GPC6: variants seen among roughly 807,000 people sequenced by gnomAD.
GPC6 encodes glypican 6.
GPC6 carries 14 observed loss-of-function variants against 55.2 expected under a neutral mutation model. The ratio of observed to expected loss-of-function variants is 0.25; its 90% CI spans 0.17 to 0.40. The LOEUF (loss-of-function observed/expected upper bound fraction) is 0.40. Ranked by LOEUF, GPC6 falls within the 10% of genes least tolerant of loss-of-function variation. The pLI, the probability that GPC6 is intolerant of heterozygous loss-of-function variation, is 1.00. For missense variants in GPC6, 641 were observed against 708.5 expected (o/e 0.90, Z 1.08); for synonymous variants, 278 against 259.6 (o/e 1.07, Z -0.68).
chr13:93,535,897 A>G (rs12856048), intron 1 of GPC6, among the ~76,000 whole-genome samples: 20,526 of 152,166 alleles, frequency 0.13, 1,877 homozygotes, highest in Non-Finnish European at 0.2. Flanking sequence ...ACATTCAGAC[A>G]TTTACTGGCT....
At chr13:93,390,516 G>A (rs561563135) in intron 1 of GPC6, among the ~76,000 whole-genome samples, 1 of 152,148 alleles carries the variant, frequency 6.6e-6, no homozygotes, top group Non-Finnish European at 1.5e-5. Context: ...AATGGATCAC[G>A]TTTGCTGCCT....
chr13:94,082,476 G>A (rs1885134655), intron 4 of GPC6, among the ~76,000 whole-genome samples: 2 of 152,238 alleles, frequency 1.3e-5, no homozygotes, highest in East Asian at 1.9e-4. Flanking sequence ...CCTTTAGAAA[G>A]GAGAAGGTCT....
chr13:94,334,367 G>C (rs1395376910), intron 6 of GPC6, among the ~76,000 whole-genome samples: 1 of 152,228 alleles, frequency 6.6e-6, no homozygotes, highest in Non-Finnish European at 1.5e-5. Flanking sequence ...ACCACCTGGG[G>C]AACAGCAGAA....
intron 2 of GPC6, among the ~76,000 whole-genome samples, chr13:93,726,100 TCATACACA>T (rs1306333003): frequency 4.3e-5 from 4 of 93,630 alleles, no homozygotes; most frequent in African/African-American, 1.6e-4. Context: ...ACTTTTTCCT[TCATACACA>T]CACACACACA....
intron 1 of GPC6, among the ~76,000 whole-genome samples, chr13:93,531,473 A>G (rs1343277266): frequency 6.6e-6 from 1 of 152,020 alleles, no homozygotes; most frequent in East Asian, 1.9e-4. Flanking sequence ...TGCGTATAAA[A>G]CCTTTCAACT....
chr13:93,503,582 T>C (rs1880602354), intron 1 of GPC6, among the ~76,000 whole-genome samples: 1 of 152,146 alleles, frequency 6.6e-6, no homozygotes. Context: ...ACATGGACAT[T>C]GGTGAATGGT....
intron 2 of GPC6, among the ~76,000 whole-genome samples, chr13:93,730,428 A>T (rs1594407905): frequency 2.0e-5 from 3 of 152,144 alleles, no homozygotes; most frequent in Non-Finnish European, 2.9e-5. Context: ...AAACTCTACA[A>T]ATGTCCTTGT....
intron 4 of GPC6, among the ~76,000 whole-genome samples, chr13:94,255,145 G>A (rs1891466147): frequency 6.6e-6 from 1 of 152,124 alleles, no homozygotes; most frequent in African/African-American, 2.4e-5. Flanking sequence ...TGTCCAAGCT[G>A]GAAAATAGGG....
At chr13:94,063,363 G>A (rs1418236460) in intron 4 of GPC6, among the ~76,000 whole-genome samples, 2 of 152,184 alleles carry the variant, frequency 1.3e-5, no homozygotes, top group Non-Finnish European at 2.9e-5. Context: ...TTGCTGCAAG[G>A]GAGGGCTGTT....
chr13:93,833,017 A>T (rs868789093), intron 3 of GPC6, among the ~76,000 whole-genome samples: 11 of 151,562 alleles, frequency 7.3e-5, no homozygotes, highest in African/African-American at 2.2e-4. Context: ...TATAAGCCCC[A>T]TCCTGACATT....
chr13:94,115,600 A>G (rs1371277224), intron 4 of GPC6, among the ~76,000 whole-genome samples: 2 of 152,110 alleles, frequency 1.3e-5, no homozygotes, highest in Non-Finnish European at 2.9e-5. Flanking sequence ...TAATCCAGGT[A>G]GAAGAGATGT....
chr13:93,737,843 A>G (rs567716681), intron 2 of GPC6, among the ~76,000 whole-genome samples: 1 of 152,204 alleles, frequency 6.6e-6, no homozygotes, highest in South Asian at 2.1e-4. Flanking sequence ...ATTTGCTGTT[A>G]GTCTCAAAGC....
intron 4 of GPC6, among the ~76,000 whole-genome samples, chr13:94,200,613 G>C (rs763694228): frequency 6.6e-6 from 1 of 152,128 alleles, no homozygotes; most frequent in Admixed American, 6.6e-5. Context: ...GTGGAGAAAA[G>C]AGAGGCTAAG....
At chr13:94,320,441 G>A (rs1330707074) in intron 6 of GPC6, among the ~76,000 whole-genome samples, 1 of 152,004 alleles carries the variant, frequency 6.6e-6, no homozygotes, top group South Asian at 2.1e-4. Flanking sequence ...GGTTTCTGTT[G>A]TGGGTTTTTT....
At chr13:94,263,710 GA>G (rs1891714953) in intron 4 of GPC6, among the ~76,000 whole-genome samples, 1 of 152,192 alleles carries the variant, frequency 6.6e-6, no homozygotes, top group African/African-American at 2.4e-5. Flanking sequence ...AGCCAGAAAA[GA>G]AAATCTACTT....
Position 94,407,302 on chromosome 13 carries a change from G to A in GPC6, c.*4085G>A, listed in dbSNP as rs1394431409. The A allele has an allele frequency of 6.6e-6, 1 of 152,038 alleles. No individual in the cohort carries two copies. The highest frequency in any genetic ancestry group is 1.5e-5 in the Non-Finnish European group (1 of 67,956). The allele number at this position is 152,038 out of a possible 1,614,324, so 9.4% of individuals were successfully genotyped here. A position where few individuals can be genotyped will look rare whatever the true frequency, so the allele number is the denominator to read the frequency against. On this transcript the variant is annotated 3_prime_UTR_variant, in exon 9 of 9. Transcript: ENST00000377047. ...GCACCAATCAAATCTAAAATTTTAT[G>A]TGACTGTCAAATGAATATTATTTGG...
intron 1 of GPC6, among the ~76,000 whole-genome samples, chr13:93,257,644 A>G (rs1268633919): frequency 6.6e-6 from 1 of 152,186 alleles, no homozygotes; most frequent in Non-Finnish European, 1.5e-5. Flanking sequence ...TCTTTTCATC[A>G]TAGGCATCAT....
chr13:93,440,044 A>G (rs1388373025), intron 1 of GPC6, among the ~76,000 whole-genome samples: 1 of 152,244 alleles, frequency 6.6e-6, no homozygotes, highest in South Asian at 2.1e-4. Context: ...TATCATTATT[A>G]CAGTATAGTA....
In GPC6 at chr13:93,951,808, C is replaced by T. The variant is rs867004198; in HGVS notation, c.712-75921C>T. Among the ~76,000 whole-genome samples, 3 of 152,140 alleles carry T rather than the reference C, an allele frequency of 2.0e-5. No homozygotes were observed. The South Asian group carries it at 6.2e-4, about 32-fold the overall frequency. On this transcript the variant is annotated intron_variant, in intron 3 of 8. Coordinates refer to ENST00000377047, the MANE Select transcript of GPC6 (RefSeq NM_005708.5). ...ATCTTGAATTTTTTTTATAAGAGAA[C>T]TTTCACCAGAGAAATAACATCCAGG...
Sources: gnomAD v4.1 joint callset for allele counts (sites outside exome capture counted in the v4.1 genomes callset) on GRCh38, gnomAD v4.1.1 for gene constraint, MANE v1.5 for transcripts, NCBI Gene and HGNC (gene_info 2026-07-23, HGNC 2026-07-21) for gene names.